The following HSF2 variants were observed in gnomAD, a reference collection of about 807,000 sequenced individuals.
HSF2 encodes heat shock factor protein 2.
Under a neutral mutation model 65.0 loss-of-function variants are expected in HSF2, and 21 were observed. The ratio of observed to expected loss-of-function variants is 0.32; its 90% CI spans 0.23 to 0.47. The LOEUF (loss-of-function observed/expected upper bound fraction) is 0.47, where lower values mean the gene tolerates loss of function less well. Ranked by LOEUF, HSF2 falls within the 20% of genes least tolerant of loss-of-function variation. The pLI is 1.00. For missense variants in HSF2, 499 were observed against 628.1 expected (o/e 0.79, Z 2.20); for synonymous variants, 225 against 219.1 (o/e 1.03, Z -0.24).
chr6:122,428,099 CT>C, intron 11 of HSF2, 143 bp downstream of exon 11: 1 of 486,726 alleles, frequency 2.1e-6, no homozygotes, highest in Non-Finnish European at 3.6e-6. Context: ...TAATAAAATT[CT>C]AGTTGAAAAA....
chr6:122,429,802 G>A (rs1209005403), intron 11 of HSF2, among the ~76,000 whole-genome samples: 1 of 152,120 alleles, frequency 6.6e-6, no homozygotes, highest in Non-Finnish European at 1.5e-5. Context: ...TTATGTGATG[G>A]ATTACGTTTA....
At chr6:122,416,671 G>T (rs1263178525) in intron 5 of HSF2, among the ~76,000 whole-genome samples, 1 of 152,058 alleles carries the variant, frequency 6.6e-6, no homozygotes, top group Non-Finnish European at 1.5e-5. Context: ...ATTATAAAAG[G>T]CATAGTTAAG....
intron 5 of HSF2, among the ~76,000 whole-genome samples, chr6:122,416,557 A>C (rs925372210): frequency 2.6e-5 from 4 of 152,224 alleles, no homozygotes; most frequent in Admixed American, 1.3e-4. Flanking sequence ...TTTGCCTAAT[A>C]TAACAATTTT....
intron 5 of HSF2, among the ~76,000 whole-genome samples, chr6:122,417,557 C>T (rs1206246049): frequency 6.6e-6 from 1 of 152,104 alleles, no homozygotes; most frequent in African/African-American, 2.4e-5. Flanking sequence ...AATTTTTACT[C>T]TGCTCCTGGA....
At chr6:122,406,602 G>A (rs61020388) in intron 1 of HSF2, among the ~76,000 whole-genome samples, 212 of 152,300 alleles carry the variant, frequency 1.4e-3, no homozygotes, top group African/African-American at 4.9e-3. Flanking sequence ...ATCTTTGAAG[G>A]CAAAGCTGCA....
chr6:122,431,830 A>G, intron 12 of HSF2, 95 bp from the exon 13 acceptor site: 1 of 1,043,380 alleles, frequency 9.6e-7, no homozygotes, highest in South Asian at 1.6e-5. Flanking sequence ...GAGAGTAGTA[A>G]TTGCCTATGT....
intron 10 of HSF2, 140 bp downstream of exon 10, chr6:122,423,826 G>A (rs1774286864): frequency 4.1e-6 from 2 of 484,090 alleles, no homozygotes; most frequent in Non-Finnish European, 7.3e-6. Flanking sequence ...TTGTTTATCA[G>A]AAAGAATGAA....
At chr6:122,418,823 G>A (rs950472433) in intron 5 of HSF2, among the ~76,000 whole-genome samples, 2 of 151,944 alleles carry the variant, frequency 1.3e-5, no homozygotes, top group African/African-American at 2.4e-5. Context: ...AGGAACTGAC[G>A]GTTTATTTTG....
At chr6:122,412,214 A>G (rs1452188721) in intron 1 of HSF2, among the ~76,000 whole-genome samples, 159 bp from the exon 2 acceptor site, 2 of 151,978 alleles carry the variant, frequency 1.3e-5, no homozygotes, top group African/African-American at 2.4e-5. Flanking sequence ...CTTAATTGCA[A>G]TTTTGTTTCT....
Position 122,399,677 on chromosome 6 carries a change from T to TGCC in HSF2, c.-52_-50dup, listed in dbSNP as rs925153764. ...GTTCTCGGGGAGCTGCTGCCGTAGCTGCCGCCGCCGCTACCACCGCGTTCG... is the reference window on the plus strand; with the variant it reads ...GTTCTCGGGGAGCTGCTGCCGTAGCTGCCGCCGCCGCCGCTACCACCGCGTTCG... On this transcript the variant is annotated 5_prime_UTR_variant, in exon 1 of 13. Coordinates refer to ENST00000368455, the MANE Select transcript of HSF2 (RefSeq NM_004506.4). The TGCC allele has an allele frequency of 2.5e-5, 36 of 1,426,920 alleles. No homozygotes were observed. Among genetic ancestry groups the TGCC allele is most frequent in the East Asian group, 7.3e-5 (3 of 41,294 alleles). The allele number at this position is 1,426,920 out of a possible 1,614,324, so 88.4% of individuals were successfully genotyped here.
chr6:122,418,122 A>G (rs1200541810), intron 5 of HSF2, among the ~76,000 whole-genome samples: 1 of 152,216 alleles, frequency 6.6e-6, no homozygotes, highest in African/African-American at 2.4e-5. Context: ...CAAAGCTTAT[A>G]AGCACACTTT....
chr6:122,429,035 A>G (rs1032433763), intron 11 of HSF2, among the ~76,000 whole-genome samples: 33 of 152,124 alleles, frequency 2.2e-4, no homozygotes, highest in African/African-American at 8.0e-4. Flanking sequence ...GAAAGCAGAT[A>G]CAGACAATAT....
chr6:122,412,526 G>A (rs1774023749), intron 2 of HSF2, 45 bp downstream of exon 2: 1 of 1,535,638 alleles, frequency 6.5e-7, no homozygotes, highest in Non-Finnish European at 9.0e-7. Context: ...ATCAGCTACT[G>A]ATGAAGCCAT....
chr6:122,407,674 C>T (rs1302792237), intron 1 of HSF2, among the ~76,000 whole-genome samples: 2 of 151,830 alleles, frequency 1.3e-5, no homozygotes, highest in South Asian at 4.2e-4. Flanking sequence ...CAGTTTGTGG[C>T]TTTTTACATT....
intron 4 of HSF2, among the ~76,000 whole-genome samples, chr6:122,415,847 C>T (rs925848806): frequency 2.0e-5 from 3 of 151,960 alleles, no homozygotes; most frequent in Non-Finnish European, 2.9e-5. Context: ...AACCCCGTTT[C>T]TACTAAAAAT....
intron 4 of HSF2, among the ~76,000 whole-genome samples, chr6:122,414,611 C>G (rs1487214045): frequency 6.6e-6 from 1 of 151,952 alleles, no homozygotes; most frequent in African/African-American, 2.4e-5. Flanking sequence ...AGGGAACTTT[C>G]TTCTCCTTAT....
At position 122,431,860 on chromosome 6, in the gene HSF2, T is replaced by G. The variant is rs1774477364; in HGVS notation, c.1316-65T>G. 6 of 1,441,054 alleles carry G rather than the reference T, an allele frequency of 4.2e-6. No homozygotes were observed. The Admixed American group carries it at 1.0e-4, about 25-fold the overall frequency. 89.3% of individuals were successfully genotyped at this position (1,441,054 alleles called of 1,614,324 possible). A position where few individuals can be genotyped will look rare whatever the true frequency, so the allele number is the denominator to read the frequency against. ...CTATGTGTACATCTCTGTTTTCATT[T>G]TTTTCCCCTCAGCTTGAACTCAGTA... On this transcript the variant is annotated intron_variant, in intron 12 of 12. Transcript: ENST00000368455.
At chr6:122,412,801 A>G in intron 3 of HSF2, 37 bp downstream of exon 3, 1 of 1,593,236 alleles carries the variant, frequency 6.3e-7, no homozygotes. Flanking sequence ...TAGGGTATTG[A>G]CCTGGAGTGT....
intron 1 of HSF2, among the ~76,000 whole-genome samples, chr6:122,406,512 A>G (rs1022983653): frequency 1.4e-4 from 21 of 152,152 alleles, no homozygotes; most frequent in Admixed American, 1.0e-3. Flanking sequence ...AGACTATCAC[A>G]GTTTTCCTGT....
Sources: gnomAD v4.1 joint callset for allele counts (sites outside exome capture counted in the v4.1 genomes callset) on GRCh38, gnomAD v4.1.1 for gene constraint, MANE v1.5 for transcripts, NCBI Gene and HGNC (gene_info 2026-07-23, HGNC 2026-07-21) for gene names.